The following PDE1A variants were observed in gnomAD, a reference collection of about 807,000 sequenced individuals.
PDE1A encodes the protein dual specificity calcium/calmodulin-dependent 3',5'-cyclic nucleotide phosphodiesterase 1A.
Under a neutral mutation model 61.7 loss-of-function variants are expected in PDE1A, and 35 were observed. That is an observed-to-expected ratio of 0.57 (90% confidence interval 0.43 to 0.75). The LOEUF is 0.75. Among genes scored for constraint, PDE1A ranks in the 30% least tolerant of loss-of-function variants. The probability of loss-of-function intolerance (pLI) is 0.00; values close to 1 mark genes in which losing one functional copy is unlikely to be tolerated. For missense variants in PDE1A, 597 were observed against 630.6 expected (o/e 0.95, Z 0.57); for synonymous variants, 232 against 213.2 (o/e 1.09, Z -0.77).
chr2:182,686,232 T>C, the PDE1A span, among the ~76,000 whole-genome samples: 3 of 152,140 alleles, frequency 2.0e-5, no homozygotes, highest in Non-Finnish European at 4.4e-5. Flanking sequence ...AATTATATGA[T>C]TTTTCTTCTT....
chr2:182,601,409 G>A, the PDE1A span, among the ~76,000 whole-genome samples: 31 of 152,212 alleles, frequency 2.0e-4, no homozygotes, highest in Admixed American at 2.0e-3. Flanking sequence ...CCTCAAAGAG[G>A]GAGTCATGGC....
the PDE1A span, among the ~76,000 whole-genome samples, chr2:182,657,308 G>A: frequency 1.1e-4 from 17 of 152,172 alleles, no homozygotes; most frequent in Admixed American, 1.0e-3. Context: ...CTTGAGCCAA[G>A]TAATGTGTCA....
intron 2 of PDE1A, among the ~76,000 whole-genome samples, chr2:182,476,893 A>AT (rs1322898081): frequency 3.5e-5 from 5 of 142,602 alleles, no homozygotes; most frequent in Admixed American, 7.5e-5. Context: ...TAAGGTTTTC[A>AT]TAAAAAAAAA....
chr2:182,712,191 A>T, the PDE1A span, among the ~76,000 whole-genome samples: 1 of 152,248 alleles, frequency 6.6e-6, no homozygotes, highest in Non-Finnish European at 1.5e-5. Context: ...CACAAGTGTC[A>T]AAGTCTTAAA....
intron 1 of PDE1A, among the ~76,000 whole-genome samples, chr2:182,334,176 TCTGAAACTATTCCAAA>T (rs1270362498): frequency 6.6e-6 from 1 of 151,962 alleles, no homozygotes; most frequent in Non-Finnish European, 1.5e-5. Flanking sequence ...TACCATTCCT[TCTGAAACTATTCCAAA>T]CAATGGAAAA....
At chr2:182,331,633 C>A (rs1697415951) in intron 1 of PDE1A, among the ~76,000 whole-genome samples, 2 of 152,160 alleles carry the variant, frequency 1.3e-5, no homozygotes, top group Admixed American at 1.3e-4. Flanking sequence ...ATATGAAATT[C>A]TGGGTTGAAA....
At chr2:182,485,377 G>A (rs1687951804) in intron 2 of PDE1A, among the ~76,000 whole-genome samples, 1 of 152,008 alleles carries the variant, frequency 6.6e-6, no homozygotes, top group Non-Finnish European at 1.5e-5. Context: ...GGCAATGGGT[G>A]GGAGGAGAGG....
At chr2:182,673,600 A>C in the PDE1A span, among the ~76,000 whole-genome samples, 3 of 152,112 alleles carry the variant, frequency 2.0e-5, no homozygotes, top group Admixed American at 6.6e-5. Context: ...AACATTTTAA[A>C]TAAGTAATTT....
chr2:182,371,817 ACT>A (rs1330737970), intron 1 of PDE1A, among the ~76,000 whole-genome samples: 1 of 152,084 alleles, frequency 6.6e-6, no homozygotes. Flanking sequence ...ACAGGGTCTC[ACT>A]CTGTCACCAG....
At chr2:182,337,802 A>C (rs1320806047) in intron 1 of PDE1A, among the ~76,000 whole-genome samples, 3 of 152,180 alleles carry the variant, frequency 2.0e-5, no homozygotes, top group Non-Finnish European at 4.4e-5. Flanking sequence ...TTTTCAGTGC[A>C]CTAAAGGTAA....
the PDE1A span, among the ~76,000 whole-genome samples, chr2:182,638,315 G>A: frequency 6.6e-6 from 1 of 152,138 alleles, no homozygotes; most frequent in East Asian, 1.9e-4. Context: ...AAGGCAGGTG[G>A]ATCACCTGAG....
At chr2:182,615,942 A>G in the PDE1A span, among the ~76,000 whole-genome samples, 2 of 152,312 alleles carry the variant, frequency 1.3e-5, no homozygotes, top group Non-Finnish European at 2.9e-5. Context: ...AAAGGTCTCA[A>G]TTCTCAACAC....
At chr2:182,637,696 C>T in the PDE1A span, among the ~76,000 whole-genome samples, 1 of 151,890 alleles carries the variant, frequency 6.6e-6, no homozygotes, top group Non-Finnish European at 1.5e-5. Context: ...CTGAGGTGGG[C>T]GGATCACTTG....
chr2:182,204,425 C>T (rs1160116435), intron 8 of PDE1A, among the ~76,000 whole-genome samples: 2 of 152,118 alleles, frequency 1.3e-5, no homozygotes, highest in Admixed American at 1.3e-4. Context: ...CTGTGTGGGA[C>T]CACTCGTACA....
intron 8 of PDE1A, among the ~76,000 whole-genome samples, chr2:182,203,700 A>G (rs1686863358): frequency 6.6e-6 from 1 of 152,074 alleles, no homozygotes; most frequent in African/African-American, 2.4e-5. Context: ...ATAAGAAAAC[A>G]TTACTTAATT....
At chr2:182,218,857 T>A (rs1688472422) in intron 7 of PDE1A, among the ~76,000 whole-genome samples, 1 of 152,132 alleles carries the variant, frequency 6.6e-6, no homozygotes, top group Non-Finnish European at 1.5e-5. Context: ...ATCATTATTA[T>A]AGTTTAAATG....
chr2:182,678,955 G>A, the PDE1A span, among the ~76,000 whole-genome samples: 1 of 149,836 alleles, frequency 6.7e-6, no homozygotes, highest in Admixed American at 6.7e-5. Flanking sequence ...TTTATATGTT[G>A]TCACATTTCT....
intron 1 of PDE1A, among the ~76,000 whole-genome samples, chr2:182,279,323 T>TA (rs1047144935): frequency 2.4e-4 from 37 of 151,880 alleles, no homozygotes; most frequent in African/African-American, 8.9e-4. Context: ...CCCAGCACCA[T>TA]AAAAAAATAG....
chr2:182,302,448 C>T (rs570077058), intron 1 of PDE1A, among the ~76,000 whole-genome samples: 1 of 152,276 alleles, frequency 6.6e-6, no homozygotes, highest in Non-Finnish European at 1.5e-5. Flanking sequence ...TGTGCAACAA[C>T]ATTATGCATA....
Sources: allele counts gnomAD v4.1 joint callset (sites outside exome capture counted in the v4.1 genomes callset), GRCh38; gene constraint gnomAD v4.1.1; transcripts MANE v1.5; gene names NCBI Gene and HGNC (gene_info 2026-07-23, HGNC 2026-07-21).